CIMAP2: variants seen among roughly 807,000 people sequenced by gnomAD.
CIMAP2 encodes ciliary microtubule-associated protein 2.
chr1:54,826,915 G>A, the CIMAP2 span, among the ~76,000 whole-genome samples: 4 of 152,194 alleles, frequency 2.6e-5, no homozygotes, highest in African/African-American at 4.8e-5. Context: ...CAAGTGCTTC[G>A]CACCTCTAGT....
At chr1:54,811,767 C>CGGGGGGGGCG in the CIMAP2 span, 6 of 1,088,166 alleles carry the variant, frequency 5.5e-6, no homozygotes, top group Non-Finnish European at 8.1e-6. Context: ...TTCTGACAGC[C>CGGGGGGGGCG]TCCATGCCCC....
the CIMAP2 span, among the ~76,000 whole-genome samples, chr1:54,829,034 CATA>C: frequency 6.6e-6 from 1 of 152,166 alleles, no homozygotes; most frequent in South Asian, 2.1e-4. Flanking sequence ...GCGTAGAAAA[CATA>C]ATATGGAGGA....
chr1:54,811,765 G>GCCGGGGGGGGGGGGGGCGCCCCCCC, the CIMAP2 span: 1 of 1,301,332 alleles, frequency 7.7e-7, no homozygotes, highest in Non-Finnish European at 1.1e-6. Flanking sequence ...GGTTCTGACA[G>GCCGGGGGGGGGGGGGGCGCCCCCCC]CCTCCATGCC....
At chr1:54,807,732 G>A in the CIMAP2 span, 1 of 1,543,174 alleles carries the variant, frequency 6.5e-7, no homozygotes, top group South Asian at 1.3e-5. Context: ...CTGGTGCCAG[G>A]TCTTCCTGTC....
chr1:54,814,427 G>A, the CIMAP2 span, among the ~76,000 whole-genome samples: 2 of 152,220 alleles, frequency 1.3e-5, no homozygotes, highest in Admixed American at 6.5e-5. Flanking sequence ...GGCCCTCTGG[G>A]GGTCTGAGCA....
At chr1:54,841,555 A>C in the CIMAP2 span, 1 of 1,611,462 alleles carries the variant, frequency 6.2e-7, no homozygotes, top group Non-Finnish European at 8.5e-7. Flanking sequence ...AGTTCTTACA[A>C]GCCAAGTTGG....
the CIMAP2 span, chr1:54,814,937 G>C: frequency 1.2e-6 from 2 of 1,614,184 alleles, no homozygotes; most frequent in South Asian, 2.2e-5. Context: ...CCAGTTTCTG[G>C]CTTCCACAAG....
At chr1:54,824,275 G>A in the CIMAP2 span, among the ~76,000 whole-genome samples, 3 of 152,278 alleles carry the variant, frequency 2.0e-5, no homozygotes, top group South Asian at 6.2e-4. Context: ...CAGTCCTCCT[G>A]CCTCGGCCTC....
chr1:54,828,546 G>A, the CIMAP2 span, among the ~76,000 whole-genome samples: 1 of 152,098 alleles, frequency 6.6e-6, no homozygotes, highest in Non-Finnish European at 1.5e-5. Context: ...TGCCCAGGCT[G>A]GTCTCAAACT....
chr1:54,813,328 G>A, the CIMAP2 span, among the ~76,000 whole-genome samples: 2 of 152,138 alleles, frequency 1.3e-5, no homozygotes, highest in South Asian at 2.1e-4. Context: ...AGTCTGTGGC[G>A]TACCTTAGGG....
chr1:54,820,144 TTCTC>T, the CIMAP2 span, among the ~76,000 whole-genome samples: 13 of 136,380 alleles, frequency 9.5e-5, no homozygotes, highest in East Asian at 9.4e-4. Flanking sequence ...CTTTCTCTCT[TTCTC>T]CCTTCCTTCC....
the CIMAP2 span, among the ~76,000 whole-genome samples, chr1:54,839,242 A>G: frequency 1.7e-4 from 26 of 152,098 alleles, no homozygotes; most frequent in Admixed American, 1.7e-3. Context: ...TGGGGTGTGT[A>G]GAGGGGAATA....
At chr1:54,820,011 T>C in the CIMAP2 span, among the ~76,000 whole-genome samples, 1 of 119,506 alleles carries the variant, frequency 8.4e-6, no homozygotes, top group African/African-American at 3.4e-5. Context: ...CCCTCTCTTT[T>C]CCTTCTTTCC....
the CIMAP2 span, among the ~76,000 whole-genome samples, chr1:54,838,599 C>T: frequency 6.6e-6 from 1 of 152,116 alleles, no homozygotes; most frequent in East Asian, 1.9e-4. Context: ...CAGCGAGTTA[C>T]TCACTGTAGC....
At chr1:54,822,298 T>C in the CIMAP2 span, among the ~76,000 whole-genome samples, 5 of 152,146 alleles carry the variant, frequency 3.3e-5, no homozygotes. Context: ...GACTCTTATT[T>C]AACATAGTAC....
At chr1:54,809,289 A>G in the CIMAP2 span, among the ~76,000 whole-genome samples, 1 of 152,098 alleles carries the variant, frequency 6.6e-6, no homozygotes, top group African/African-American at 2.4e-5. Context: ...TCTTTCTCCT[A>G]CACCTCACCA....
At chr1:54,813,480 T>C in the CIMAP2 span, among the ~76,000 whole-genome samples, 7 of 152,214 alleles carry the variant, frequency 4.6e-5, no homozygotes, top group Admixed American at 4.6e-4. Flanking sequence ...ATTTAAGACA[T>C]CGTTCCTGCT....
the CIMAP2 span, chr1:54,811,765 G>GCCGGGGGGGGGGGGCGCGCCCCCCC: frequency 7.7e-7 from 1 of 1,301,332 alleles, no homozygotes. Context: ...GGTTCTGACA[G>GCCGGGGGGGGGGGGCGCGCCCCCCC]CCTCCATGCC....
At chr1:54,812,167 C>A in the CIMAP2 span, 6 of 1,614,238 alleles carry the variant, frequency 3.7e-6, no homozygotes, top group Non-Finnish European at 5.1e-6. Context: ...AAGCCACTGC[C>A]TTATGGGCAC....
Sources: gnomAD v4.1 joint callset for allele counts (sites outside exome capture counted in the v4.1 genomes callset) on GRCh38, gnomAD v4.1.1 for gene constraint, MANE v1.5 for transcripts, NCBI Gene and HGNC (gene_info 2026-07-23, HGNC 2026-07-21) for gene names.